Variants in GRM5 observed in about 807,000 individuals in gnomAD.
GRM5 encodes the protein glutamate metabotropic receptor 5.
GRM5 carries 19 observed loss-of-function variants against 83.1 expected under a neutral mutation model. That is an observed-to-expected ratio of 0.23 (90% CI 0.16 to 0.34). GRM5 has a LOEUF of 0.34. Among genes scored for constraint, GRM5 ranks in the 10% least tolerant of loss-of-function variants. The pLI, the probability that GRM5 is intolerant of heterozygous loss-of-function variation, is 1.00. For synonymous variants in GRM5, 675 were observed against 633.6 expected, an observed-to-expected ratio of 1.07 and a Z score of -0.98; for missense variants, 1,160 against 1,588.3, an observed-to-expected ratio of 0.73 and a Z score of 4.58.
At chr11:88,905,740 T>C (rs1945392226) in intron 2 of GRM5, among the ~76,000 whole-genome samples, 1 of 152,148 alleles carries the variant, frequency 6.6e-6, no homozygotes, top group Non-Finnish European at 1.5e-5. Context: ...TCAGTCTCTC[T>C]GCAAAGCTCA....
At chr11:88,701,285 C>T (rs1941028875) in intron 3 of GRM5, among the ~76,000 whole-genome samples, 1 of 152,114 alleles carries the variant, frequency 6.6e-6, no homozygotes, top group African/African-American at 2.4e-5. Flanking sequence ...TTTGGTACCT[C>T]CTTGCCATAT....
intron 3 of GRM5, among the ~76,000 whole-genome samples, chr11:88,790,233 C>A (rs2135473799): frequency 6.6e-6 from 1 of 152,290 alleles, no homozygotes; most frequent in Non-Finnish European, 1.5e-5. Context: ...ATATTTTCTT[C>A]TATCTACCCA....
At chr11:88,717,709 G>A (rs921284102) in intron 3 of GRM5, among the ~76,000 whole-genome samples, 1 of 151,706 alleles carries the variant, frequency 6.6e-6, no homozygotes. Flanking sequence ...AAGAGTAAGG[G>A]TGTATGACAC....
chr11:89,034,013 T>C (rs1023735237), intron 2 of GRM5, among the ~76,000 whole-genome samples: 7 of 146,160 alleles, frequency 4.8e-5, no homozygotes, highest in Non-Finnish European at 1.5e-5. Flanking sequence ...TTTATTTAAG[T>C]CTTTCCAGAG....
At position 88,653,334 on chromosome 11, in the gene GRM5, G is replaced by T. The variant is rs776778956; in HGVS notation, c.981C>A (p.Ile327=). Residue 327 remains isoleucine (I), a synonymous_variant, in exon 4 of 10, where the codon ATC becomes ATA. Coordinates refer to ENST00000305447, the MANE Select transcript of GRM5 (RefSeq NM_001143831.3). The part of the protein sequence containing the change: ...YQREAVGGIT[I]KLQSPDVKWF... ...ACTTGACATCGGGAGATTGGAGCTT[G>T]ATTGTGATGCCACCAACAGCTTCTC... 6 of 1,612,844 alleles carry T rather than the reference G, an allele frequency of 3.7e-6. No homozygotes were observed. In the South Asian group the frequency reaches 6.6e-5, roughly 18 times the overall value.
At chr11:88,630,538 T>TACAC (rs1324098801) in intron 4 of GRM5, among the ~76,000 whole-genome samples, 7 of 75,784 alleles carry the variant, frequency 9.2e-5, no homozygotes, top group African/African-American at 3.1e-4. Flanking sequence ...ACTAATGTAA[T>TACAC]ACACACACAC....
chr11:89,032,022 A>G (rs1433813044), intron 2 of GRM5, among the ~76,000 whole-genome samples: 2 of 152,088 alleles, frequency 1.3e-5, no homozygotes, highest in Non-Finnish European at 2.9e-5. Flanking sequence ...TAAATATTGC[A>G]TACATATTTT....
chr11:88,806,717 A>G (rs2135492725), intron 3 of GRM5, among the ~76,000 whole-genome samples: 1 of 152,212 alleles, frequency 6.6e-6, no homozygotes, highest in Admixed American at 6.5e-5. Context: ...ATTCCCTTCA[A>G]CACCCTCATC....
chr11:88,704,920 G>A lies in GRM5; in HGVS notation c.912-51517C>T, dbSNP rs1253227978. 3.3e-5 allele frequency among the ~76,000 whole-genome samples: 5 copies of A among 151,944 alleles called. No individual in the cohort carries two copies. The South Asian group carries it at 6.2e-4, about 19-fold the overall frequency. On this transcript the variant is annotated intron_variant, in intron 3 of 9. Transcript: ENST00000305447. ...TGAATGCATGGTCTCACTTCATATT[G>A]TTTGCATAAACTCTCCCTCTACCTC...
At chr11:89,034,916 A>G (rs1470052654) in intron 2 of GRM5, among the ~76,000 whole-genome samples, 1 of 149,590 alleles carries the variant, frequency 6.7e-6, no homozygotes, top group Admixed American at 6.7e-5. Flanking sequence ...TTATATAAAT[A>G]CAAAGTCGTA....
At position 88,508,528 on chromosome 11, in the gene GRM5, G is replaced by T; in HGVS notation, c.*64C>A. On this transcript the variant is annotated 3_prime_UTR_variant, in exon 10 of 10. Coordinates refer to ENST00000305447, the MANE Select transcript of GRM5 (RefSeq NM_001143831.3). The surrounding 1 kb of genome is among the most constrained non-coding windows in gnomAD (Gnocchi z 4.2). ...TAACCAGGCGACTATGCTTGCCATT[G>T]TGTGTGTGTGAACACGGGGGGCTCC... The T allele has an allele frequency of 7.8e-7, 1 of 1,276,800 alleles. No individual in the cohort carries two copies. Among genetic ancestry groups the T allele is most frequent in the South Asian group, 1.3e-5 (1 of 77,680 alleles). 79.1% of individuals were successfully genotyped at this position (1,276,800 alleles called of 1,614,324 possible).
chr11:88,948,591 A>G (rs1938356812), intron 2 of GRM5, among the ~76,000 whole-genome samples: 2 of 152,378 alleles, frequency 1.3e-5, no homozygotes, highest in South Asian at 4.1e-4. Context: ...TTGAGAATTC[A>G]TAAAATTCGT....
Position 88,597,258 on chromosome 11 carries a change from C to G in GRM5, c.1489G>C (p.Asp497His). 2 of 1,606,884 alleles carry G rather than the reference C, an allele frequency of 1.2e-6. No individual in the cohort carries two copies. Among genetic ancestry groups the G allele is most frequent in the Non-Finnish European group, 1.7e-6 (2 of 1,173,820 alleles). ...TTGCTTTTCTTGGACCATACTTCAT[C>G]ATCATCCATTTTTAATTCTCCATTG... ...WDNGELKMDD[D>H]EVWSKKSNII... The change falls in exon 6 of 10, where the codon GAT becomes CAT. Residue 497 changes from aspartate (D) to histidine (H), a missense_variant. Transcript: ENST00000305447.
intron 8 of GRM5, among the ~76,000 whole-genome samples, chr11:88,544,428 G>A (rs1426780870): frequency 2.0e-5 from 3 of 152,090 alleles, no homozygotes; most frequent in Non-Finnish European, 4.4e-5. Context: ...CTTGTATTAC[G>A]GACTTCCTTC....
intron 8 of GRM5, among the ~76,000 whole-genome samples, chr11:88,547,733 A>G (rs889814573): frequency 2.6e-5 from 4 of 152,162 alleles, no homozygotes; most frequent in Non-Finnish European, 4.4e-5. Context: ...TCATGGGTTC[A>G]CATCAGCTCA....
intron 2 of GRM5, among the ~76,000 whole-genome samples, chr11:88,898,245 G>A (rs745680631): frequency 1.3e-5 from 2 of 151,638 alleles, no homozygotes; most frequent in Non-Finnish European, 2.9e-5. Context: ...TATTGAATAA[G>A]GGCCCACACT....
intron 3 of GRM5, among the ~76,000 whole-genome samples, chr11:88,784,416 G>T (rs1367494749): frequency 6.6e-6 from 1 of 152,024 alleles, no homozygotes; most frequent in African/African-American, 2.4e-5. Context: ...ATACTTCTGT[G>T]CCACATATTA....
intron 2 of GRM5, among the ~76,000 whole-genome samples, chr11:88,927,839 A>T (rs1346107717): frequency 6.6e-6 from 1 of 152,106 alleles, no homozygotes; most frequent in Non-Finnish European, 1.5e-5. Context: ...GGACATTATT[A>T]ATAGCTCAAA....
At chr11:88,783,898 A>G (rs1943019846) in intron 3 of GRM5, among the ~76,000 whole-genome samples, 1 of 152,072 alleles carries the variant, frequency 6.6e-6, no homozygotes, top group African/African-American at 2.4e-5. Flanking sequence ...GAAACATTCC[A>G]TCTTTTGATC....
Sources: allele counts gnomAD v4.1 joint callset (sites outside exome capture counted in the v4.1 genomes callset), GRCh38; gene constraint gnomAD v4.1.1; non-coding constraint Gnocchi (gnomAD v3.1); transcripts MANE v1.5; gene names NCBI Gene and HGNC (gene_info 2026-07-23, HGNC 2026-07-21).